The following ARHGEF12 variants were observed in gnomAD, a reference collection of about 807,000 sequenced individuals.
ARHGEF12 encodes the protein KMT2A/ARHGEF12 fusion protein.
Under a neutral mutation model 211.2 loss-of-function variants are expected in ARHGEF12, and 66 were observed. The observed-to-expected ratio is 0.31, with a 90% CI of 0.26 to 0.38. ARHGEF12 has a LOEUF of 0.38. ARHGEF12 is among the 10% of genes least tolerant of loss of function. The pLI is 1.00. For missense variants in ARHGEF12, 1,429 were observed against 1,869.5 expected (o/e 0.76, Z 4.34); for synonymous variants, 592 against 638.4 (o/e 0.93, Z 1.09).
intron 4 of ARHGEF12, among the ~76,000 whole-genome samples, chr11:120,414,178 C>CT (rs1427444227): frequency 6.6e-6 from 1 of 152,072 alleles, no homozygotes; most frequent in African/African-American, 2.4e-5. Flanking sequence ...AACATCTTTA[C>CT]TTCACTGATG....
chr11:120,488,153 A>T lies in ARHGEF12; in HGVS notation c.*3076A>T, dbSNP rs958347561. The T allele has an allele frequency of 2.3e-5, 5 of 217,204 alleles. No individual in the cohort carries two copies. Among genetic ancestry groups the T allele is most frequent in the Admixed American group, 5.8e-5 (1 of 17,264 alleles). The allele number at this position is 217,204 out of a possible 1,614,324, so 13.5% of individuals were successfully genotyped here. ...TTATTTTTAGAAGCTAAAGAAAGTA[A>T]TTATGCTTCCTGTGAATTGTCTTTT... On this transcript the variant is annotated 3_prime_UTR_variant, in exon 41 of 41. Coordinates refer to ENST00000397843, the MANE Select transcript of ARHGEF12 (RefSeq NM_015313.3).
At position 120,447,081 on chromosome 11, in the gene ARHGEF12, G is replaced by C. The variant is rs761031259; in HGVS notation, c.1585G>C (p.Val529Leu). 1.9e-5 allele frequency: 30 copies of C among 1,613,812 alleles called. No individual in the cohort carries two copies. Among genetic ancestry groups the C allele is most frequent in the Non-Finnish European group, 2.5e-5 (29 of 1,179,946 alleles). ...ACAGATTGTTGCCAAAATTGAAGAA[G>C]TATTGTAAGTAATAGAAGTATATGT... ...AEQIVAKIEE[V>L]LMTAQAVEED... The change falls in exon 18 of 41, where the codon GTA (valine) becomes CTA (leucine). Residue 529 changes from valine to leucine, a missense_variant. Around this residue, in one of 7 missense-constraint regions of ARHGEF12, gnomAD observed 373 missense variants for 467.5 expected, o/e 0.80. Transcript: ENST00000397843.
chr11:120,395,761 C>A (rs919495943), intron 1 of ARHGEF12, among the ~76,000 whole-genome samples: 2 of 149,184 alleles, frequency 1.3e-5, no homozygotes, highest in Non-Finnish European at 3.0e-5. Flanking sequence ...TGGGAAAAGA[C>A]CCCCCCCCTT....
intron 1 of ARHGEF12, among the ~76,000 whole-genome samples, chr11:120,355,165 A>T (rs746244652): frequency 6.6e-6 from 1 of 152,194 alleles, no homozygotes; most frequent in Non-Finnish European, 1.5e-5. Flanking sequence ...GGGGAAAGCA[A>T]CCGGTTCACA....
intron 1 of ARHGEF12, among the ~76,000 whole-genome samples, chr11:120,352,515 T>C (rs1943014571): frequency 6.6e-6 from 1 of 152,104 alleles, no homozygotes; most frequent in African/African-American, 2.4e-5. Flanking sequence ...TAGTGTTATC[T>C]TTATCATTTA....
At chr11:120,429,375 T>C in intron 8 of ARHGEF12, 65 bp from the exon 9 acceptor site, 3 of 1,351,206 alleles carry the variant, frequency 2.2e-6, no homozygotes, top group Non-Finnish European at 3.1e-6. Context: ...ACATTTTCTC[T>C]ATTTATTTTA....
intron 21 of ARHGEF12, chr11:120,450,401 G>C (rs1429638925): frequency 6.7e-6 from 1 of 150,002 alleles, no homozygotes; most frequent in African/African-American, 2.5e-5. Flanking sequence ...AAAGATATTG[G>C]CATGGTAGAG....
chr11:120,455,418 A>G (rs924468597), intron 22 of ARHGEF12, among the ~76,000 whole-genome samples: 19 of 152,244 alleles, frequency 1.2e-4, no homozygotes, highest in Admixed American at 1.2e-3. Flanking sequence ...CTGAAATACA[A>G]AAGAGCCATG....
intron 26 of ARHGEF12, 43 bp from the exon 27 acceptor site, chr11:120,460,629 C>T: frequency 6.5e-7 from 1 of 1,537,944 alleles, no homozygotes. Flanking sequence ...ATTCTGTCTA[C>T]ACTGAATGTG....
At chr11:120,389,359 T>A (rs539986162) in intron 1 of ARHGEF12, among the ~76,000 whole-genome samples, 4 of 152,360 alleles carry the variant, frequency 2.6e-5, no homozygotes, top group Non-Finnish European at 5.9e-5. Flanking sequence ...GCTTTTGCTA[T>A]ATCTAAGAAA....
At chr11:120,407,872 A>C in intron 3 of ARHGEF12, 49 bp downstream of exon 3, 1 of 1,509,998 alleles carries the variant, frequency 6.6e-7, no homozygotes, top group South Asian at 1.1e-5. Context: ...AGTGAAGTTC[A>C]GAATAATAGA....
At chr11:120,417,243 G>T (rs1323836296) in intron 4 of ARHGEF12, among the ~76,000 whole-genome samples, 1 of 152,078 alleles carries the variant, frequency 6.6e-6, no homozygotes, top group East Asian at 1.9e-4. Flanking sequence ...AGAAGCCCAG[G>T]TTGCTTAGCA....
intron 1 of ARHGEF12, among the ~76,000 whole-genome samples, chr11:120,357,731 G>A (rs762589468): frequency 6.6e-5 from 10 of 152,120 alleles, no homozygotes; most frequent in Non-Finnish European, 1.3e-4. Flanking sequence ...CACCGCAGCT[G>A]GCTAATTTCT....
intron 12 of ARHGEF12, chr11:120,438,401 C>T (rs1043717428): frequency 6.6e-6 from 1 of 152,118 alleles, no homozygotes; most frequent in Non-Finnish European, 1.5e-5. Flanking sequence ...CCTCAGCCTC[C>T]CAAAGTGCTG....
chr11:120,460,148 A>G (rs1946486051), intron 26 of ARHGEF12, among the ~76,000 whole-genome samples: 3 of 152,228 alleles, frequency 2.0e-5, no homozygotes, highest in Non-Finnish European at 4.4e-5. Context: ...TTTATAGGTC[A>G]CTATTTCTCT....
At chr11:120,367,144 G>C (rs115016575) in intron 1 of ARHGEF12, among the ~76,000 whole-genome samples, 2,441 of 152,184 alleles carry the variant, frequency 0.016, 78 homozygotes, top group African/African-American at 0.055. Context: ...TACTCAAGTA[G>C]GGATCACATA....
chr11:120,360,439 C>G (rs1011618002), intron 1 of ARHGEF12, among the ~76,000 whole-genome samples: 1 of 152,106 alleles, frequency 6.6e-6, no homozygotes, highest in African/African-American at 2.4e-5. Flanking sequence ...GTCACTCAGG[C>G]TGGAGTGCAG....
chr11:120,339,941 C>A (rs1174800445), intron 1 of ARHGEF12, among the ~76,000 whole-genome samples: 2 of 152,146 alleles, frequency 1.3e-5, no homozygotes, highest in African/African-American at 2.4e-5. Context: ...CCCCTTAAAA[C>A]CTAAAACTCA....
chr11:120,458,032 T>C (rs949848107), intron 24 of ARHGEF12, 48 bp from the exon 25 acceptor site: 3 of 1,570,032 alleles, frequency 1.9e-6, no homozygotes, highest in Non-Finnish European at 2.6e-6. Flanking sequence ...CTGTTTCTCA[T>C]TGTCCACCTA....
Sources: gnomAD v4.1 joint callset for allele counts (sites outside exome capture counted in the v4.1 genomes callset) on GRCh38, gnomAD v4.1.1 for gene constraint, gnomAD v4.1.1 regional missense constraint, MANE v1.5 for transcripts, NCBI Gene and HGNC (gene_info 2026-07-23, HGNC 2026-07-21) for gene names.